Variants in PDE7B observed in about 807,000 individuals in gnomAD.
PDE7B encodes the protein phosphodiesterase 7B.
PDE7B carries 29 observed loss-of-function variants against 56.2 expected under a neutral mutation model. The observed-to-expected ratio is 0.52, with a 90% CI of 0.38 to 0.70. PDE7B has a LOEUF of 0.70. Ranked by LOEUF, PDE7B falls within the 30% of genes least tolerant of loss-of-function variation. The pLI is 0.00. For synonymous variants in PDE7B, 197 were observed against 196.9 expected (o/e 1.00, Z 0.00); for missense variants, 490 against 565.0 (o/e 0.87, Z 1.35).
intron 1 of PDE7B, among the ~76,000 whole-genome samples, chr6:135,883,068 T>C (rs1046886382): frequency 6.6e-5 from 10 of 152,160 alleles, no homozygotes; most frequent in African/African-American, 2.4e-4. Flanking sequence ...CCAGGTGCCT[T>C]GAGTTCATGG....
intron 2 of PDE7B, among the ~76,000 whole-genome samples, chr6:136,106,565 G>A (rs1295343552): frequency 2.0e-5 from 3 of 152,130 alleles, no homozygotes; most frequent in Non-Finnish European, 4.4e-5. Context: ...GGACTTTAAG[G>A]GGCTTGTGCC....
intron 2 of PDE7B, among the ~76,000 whole-genome samples, chr6:135,979,150 T>C (rs554771924): frequency 4.5e-4 from 68 of 151,724 alleles, no homozygotes; most frequent in African/African-American, 1.6e-3. Flanking sequence ...GGTTTTTGTC[T>C]TTGGTTCTGT....
At chr6:136,140,038 T>A (rs1298087296) in intron 3 of PDE7B, among the ~76,000 whole-genome samples, 1 of 151,964 alleles carries the variant, frequency 6.6e-6, no homozygotes, top group South Asian at 2.1e-4. Flanking sequence ...GACATGAAGT[T>A]CTTGCCCATG....
chr6:135,960,930 A>G (rs1774889049), intron 2 of PDE7B, among the ~76,000 whole-genome samples: 1 of 152,194 alleles, frequency 6.6e-6, no homozygotes, highest in Non-Finnish European at 1.5e-5. Flanking sequence ...TTCTTTTGCT[A>G]TAGAACAGAA....
intron 2 of PDE7B, among the ~76,000 whole-genome samples, chr6:135,955,642 G>T (rs1240815260): frequency 6.6e-6 from 1 of 152,156 alleles, no homozygotes; most frequent in Non-Finnish European, 1.5e-5. Context: ...CAGATCATCT[G>T]TTTAGAGTGG....
intron 2 of PDE7B, among the ~76,000 whole-genome samples, chr6:136,062,113 T>C (rs532745678): frequency 6.6e-6 from 1 of 152,248 alleles, no homozygotes; most frequent in African/African-American, 2.4e-5. Flanking sequence ...ACTGGAGTGG[T>C]TGTGAACTAA....
chr6:136,001,465 A>G (rs1288872206), intron 2 of PDE7B, among the ~76,000 whole-genome samples: 1 of 152,182 alleles, frequency 6.6e-6, no homozygotes, highest in Non-Finnish European at 1.5e-5. Flanking sequence ...AAATTTAGAC[A>G]AATGTATAAC....
At chr6:136,042,186 C>T (rs1776424857) in intron 2 of PDE7B, among the ~76,000 whole-genome samples, 1 of 152,160 alleles carries the variant, frequency 6.6e-6, no homozygotes, top group African/African-American at 2.4e-5. Flanking sequence ...CAACTGTTAT[C>T]AATAGAAAGT....
chr6:136,184,224 A>C (rs762657136), intron 11 of PDE7B, among the ~76,000 whole-genome samples: 1 of 152,230 alleles, frequency 6.6e-6, no homozygotes, highest in Non-Finnish European at 1.5e-5. Flanking sequence ...AAACTATGCA[A>C]ATTTCCCCTT....
intron 1 of PDE7B, among the ~76,000 whole-genome samples, chr6:135,902,562 C>T (rs1288536222): frequency 6.6e-6 from 1 of 152,112 alleles, no homozygotes; most frequent in Non-Finnish European, 1.5e-5. Context: ...GTGGCCTCTG[C>T]TTAATTTCAA....
intron 1 of PDE7B, among the ~76,000 whole-genome samples, chr6:135,853,013 A>T (rs948413061): frequency 6.6e-6 from 1 of 152,202 alleles, no homozygotes; most frequent in African/African-American, 2.4e-5. Context: ...CTTAAGGAGG[A>T]TCCCTGCTAA....
intron 2 of PDE7B, among the ~76,000 whole-genome samples, chr6:136,025,900 T>C (rs910838054): frequency 6.6e-6 from 1 of 152,170 alleles, no homozygotes; most frequent in African/African-American, 2.4e-5. Flanking sequence ...TTCTTTTCCA[T>C]TTCTGGCCAA....
intron 1 of PDE7B, among the ~76,000 whole-genome samples, chr6:135,911,735 A>G (rs1475882663): frequency 6.6e-6 from 1 of 152,174 alleles, no homozygotes; most frequent in East Asian, 1.9e-4. Context: ...TGGTAACTAC[A>G]AGTCTCTTGT....
chr6:136,143,774 T>G (rs1778366828), intron 3 of PDE7B, among the ~76,000 whole-genome samples: 1 of 152,110 alleles, frequency 6.6e-6, no homozygotes, highest in South Asian at 2.1e-4. Flanking sequence ...CATCTACACT[T>G]AGGATATGTC....
intron 9 of PDE7B, 48 bp downstream of exon 9, chr6:136,173,936 A>G (rs1487921321): frequency 1.5e-6 from 2 of 1,354,352 alleles, no homozygotes; most frequent in Non-Finnish European, 2.1e-6. Context: ...CAGTAAAGAT[A>G]AGCCACTTTC....
At chr6:135,880,667 G>A (rs1378452094) in intron 1 of PDE7B, among the ~76,000 whole-genome samples, 1 of 152,172 alleles carries the variant, frequency 6.6e-6, no homozygotes, top group African/African-American at 2.4e-5. Flanking sequence ...ATTTGGAGCT[G>A]ATCTTCCACT....
At chr6:136,148,972 T>C (rs528931044) in intron 4 of PDE7B, 115 bp from the exon 5 acceptor site, 33 of 713,964 alleles carry the variant, frequency 4.6e-5, no homozygotes, top group Non-Finnish European at 6.6e-5. Context: ...TTGCACTAGA[T>C]GGTAGTATGC....
At chr6:136,067,570 G>A (rs544172551) in intron 2 of PDE7B, among the ~76,000 whole-genome samples, 7 of 152,244 alleles carry the variant, frequency 4.6e-5, no homozygotes, top group East Asian at 1.9e-4. Context: ...CTTCTATGCC[G>A]GAAGCATAAC....
chr6:135,922,012 T>C (rs2128195510), intron 1 of PDE7B, among the ~76,000 whole-genome samples: 1 of 152,292 alleles, frequency 6.6e-6, no homozygotes, highest in East Asian at 1.9e-4. Flanking sequence ...GTATTAGAAC[T>C]CAATTCATGA....
Sources: allele counts gnomAD v4.1 joint callset (sites outside exome capture counted in the v4.1 genomes callset), GRCh38; gene constraint gnomAD v4.1.1; transcripts MANE v1.5; gene names NCBI Gene and HGNC (gene_info 2026-07-23, HGNC 2026-07-21).